Variants in SLC17A1 observed in about 807,000 individuals in gnomAD.
SLC17A1 encodes sodium-dependent phosphate transport protein 1.
SLC17A1 carries 51 observed loss-of-function variants against 53.5 expected under a neutral mutation model. The ratio of observed to expected loss-of-function variants is 0.95; its 90% confidence interval spans 0.76 to 1.20. SLC17A1 has a LOEUF of 1.20. Ranked by LOEUF, SLC17A1 falls within the 50% of genes most tolerant of loss-of-function variation. The pLI is 0.00. For synonymous variants in SLC17A1, 179 were observed against 198.8 expected, an observed-to-expected ratio of 0.90 and a Z score of 0.84; for missense variants, 538 against 568.2, an observed-to-expected ratio of 0.95 and a Z score of 0.54.
chr6:25,828,148 G>T (rs1056084270), intron 2 of SLC17A1, among the ~76,000 whole-genome samples: 2 of 152,130 alleles, frequency 1.3e-5, no homozygotes, highest in Non-Finnish European at 2.9e-5. Context: ...AGACATTCCA[G>T]TTCCAAGGTG....
the SLC17A1 span, among the ~76,000 whole-genome samples, chr6:25,738,996 A>G: frequency 6.6e-6 from 1 of 152,224 alleles, no homozygotes; most frequent in Non-Finnish European, 1.5e-5. Flanking sequence ...AAATCAAAAC[A>G]TATACTTACA....
chr6:25,831,927 G>A (rs994844221), intron 1 of SLC17A1, 67 bp downstream of exon 1: 2 of 152,124 alleles, frequency 1.3e-5, no homozygotes, highest in Non-Finnish European at 2.9e-5. Context: ...GCCAGGGAAT[G>A]CCCCCTTACG....
chr6:25,763,293 T>C, the SLC17A1 span, among the ~76,000 whole-genome samples: 1 of 152,200 alleles, frequency 6.6e-6, no homozygotes, highest in South Asian at 2.1e-4. Flanking sequence ...AACAGCATCA[T>C]GCTACTAACA....
At chr6:25,826,769 AATT>A in intron 2 of SLC17A1, 136 bp from the exon 3 acceptor site, 1 of 443,540 alleles carries the variant, frequency 2.3e-6, no homozygotes, top group East Asian at 3.5e-5. Flanking sequence ...GACCTTTGAT[AATT>A]ATTATATAAT....
downstream of SLC17A1, among the ~76,000 whole-genome samples, chr6:25,782,443 G>A (rs1220175952): frequency 6.6e-6 from 1 of 152,180 alleles, no homozygotes; most frequent in Non-Finnish European, 1.5e-5. Flanking sequence ...GTAAGTGCCA[G>A]TAAATGCTAT....
chr6:25,779,726 A>C (rs1763210335), downstream of SLC17A1: 1 of 152,330 alleles, frequency 6.6e-6, no homozygotes, highest in East Asian at 1.9e-4. Context: ...GACAACTTGC[A>C]TTCTGTGGAT....
intron 10 of SLC17A1, among the ~76,000 whole-genome samples, chr6:25,804,793 A>C (rs2070774166): frequency 6.6e-6 from 1 of 152,130 alleles, no homozygotes; most frequent in Admixed American, 6.5e-5. Context: ...AAAGGAGGTC[A>C]TTATATTATG....
At chr6:25,826,276 T>G (rs1013481160) in intron 3 of SLC17A1, among the ~76,000 whole-genome samples, 185 bp downstream of exon 3, 2 of 152,144 alleles carry the variant, frequency 1.3e-5, no homozygotes, top group Non-Finnish European at 2.9e-5. Context: ...CAACAAGCCC[T>G]TCAGAAATAC....
At chr6:25,810,678 C>G (rs572030897) in intron 10 of SLC17A1, among the ~76,000 whole-genome samples, 1 of 152,004 alleles carries the variant, frequency 6.6e-6, no homozygotes, top group African/African-American at 2.4e-5. Context: ...ACAGCTGTTA[C>G]GGAAAACAGT....
At chr6:25,783,552 A>C (rs558807422) in intron 12 of SLC17A1, among the ~76,000 whole-genome samples, 1 of 152,286 alleles carries the variant, frequency 6.6e-6, no homozygotes, top group Non-Finnish European at 1.5e-5. Flanking sequence ...CAGTTGCTCT[A>C]TATCTATGTT....
At chr6:25,725,983 A>T in the SLC17A1 span, 1 of 704,326 alleles carries the variant, frequency 1.4e-6, no homozygotes, top group Non-Finnish European at 2.3e-6. Context: ...ATGCGCTTAA[A>T]CGGGCATTTG....
At chr6:25,734,502 A>T in the SLC17A1 span, among the ~76,000 whole-genome samples, 2 of 152,284 alleles carry the variant, frequency 1.3e-5, no homozygotes, top group Non-Finnish European at 2.9e-5. Context: ...TCAAATTATT[A>T]AAAAAATCCC....
chr6:25,827,107 G>T (rs1294899038), intron 2 of SLC17A1, among the ~76,000 whole-genome samples: 1 of 152,074 alleles, frequency 6.6e-6, no homozygotes, highest in African/African-American at 2.4e-5. Flanking sequence ...TAATCAGTTG[G>T]TGTACAGCCA....
chr6:25,809,162 C>T (rs1764061185), intron 10 of SLC17A1, among the ~76,000 whole-genome samples: 1 of 151,992 alleles, frequency 6.6e-6, no homozygotes, highest in Admixed American at 6.6e-5. Flanking sequence ...AAACCAAATA[C>T]TGCAAGTTCT....
the SLC17A1 span, among the ~76,000 whole-genome samples, chr6:25,747,933 C>G: frequency 6.6e-6 from 1 of 152,210 alleles, no homozygotes; most frequent in South Asian, 2.1e-4. Flanking sequence ...ATTTGGAAAT[C>G]TATAATATGG....
chr6:25,827,591 C>T (rs528365480), intron 2 of SLC17A1, among the ~76,000 whole-genome samples: 3 of 152,234 alleles, frequency 2.0e-5, no homozygotes, highest in Non-Finnish European at 4.4e-5. Flanking sequence ...TGTTGAATCC[C>T]TCTCACACTT....
the SLC17A1 span, chr6:25,768,298 C>G: frequency 4.6e-6 from 4 of 869,424 alleles, no homozygotes; most frequent in Admixed American, 2.5e-4. Context: ...CATCTTCATA[C>G]CTTGTGATCA....
intron 12 of SLC17A1, among the ~76,000 whole-genome samples, chr6:25,789,962 TA>T (rs1374181619): frequency 6.6e-6 from 1 of 152,140 alleles, no homozygotes. Flanking sequence ...GTTTGCAGGA[TA>T]CCCTAAAGTG....
At chr6:25,742,068 C>G in the SLC17A1 span, among the ~76,000 whole-genome samples, 1 of 152,098 alleles carries the variant, frequency 6.6e-6, no homozygotes, top group Non-Finnish European at 1.5e-5. Context: ...ACAAAACTTC[C>G]CTTTCTATAA....
Sources: allele counts gnomAD v4.1 joint callset (sites outside exome capture counted in the v4.1 genomes callset), GRCh38; gene constraint gnomAD v4.1.1; transcripts MANE v1.5; gene names NCBI Gene and HGNC (gene_info 2026-07-23, HGNC 2026-07-21).